FRS2: variants seen among roughly 807,000 people sequenced by gnomAD.
FRS2 encodes the protein fibroblast growth factor receptor substrate 2.
In FRS2, 8 loss-of-function variants were observed where a neutral mutation model predicts 43.9. That is an observed-to-expected ratio of 0.18 (90% confidence interval 0.11 to 0.33). The LOEUF (loss-of-function observed/expected upper bound fraction) is 0.33, where lower values mean the gene tolerates loss of function less well. FRS2 is among the 10% of genes least tolerant of loss of function. The pLI is 1.00. For missense variants in FRS2, 534 were observed against 627.6 expected, an observed-to-expected ratio of 0.85 and a Z score of 1.59; for synonymous variants, 219 against 220.3, an observed-to-expected ratio of 0.99 and a Z score of 0.05.
chr12:69,509,498 A>G (rs1874263180), intron 1 of FRS2, among the ~76,000 whole-genome samples: 1 of 152,192 alleles, frequency 6.6e-6, no homozygotes. Flanking sequence ...GTTCCATGGT[A>G]TTAAGTACAT....
intron 3 of FRS2, among the ~76,000 whole-genome samples, chr12:69,559,918 A>G (rs1432310591): frequency 3.9e-5 from 6 of 152,124 alleles, no homozygotes. Flanking sequence ...GCTTCTAACT[A>G]TAGACATTCT....
At chr12:69,557,109 G>A (rs555811161) in intron 3 of FRS2, among the ~76,000 whole-genome samples, 2 of 152,244 alleles carry the variant, frequency 1.3e-5, no homozygotes, top group African/African-American at 4.8e-5. Context: ...TTATATATGT[G>A]TTTTTCATAA....
intron 1 of FRS2, among the ~76,000 whole-genome samples, chr12:69,477,473 G>A (rs1870919416): frequency 1.3e-5 from 2 of 150,748 alleles, no homozygotes; most frequent in South Asian, 2.1e-4. Flanking sequence ...TAGTAGAAAC[G>A]GGGTTTCACC....
In FRS2 at chr12:69,574,164, C is replaced by A; in HGVS notation, c.736C>A (p.Pro246Thr). 1 of 1,614,026 alleles carries A rather than the reference C, an allele frequency of 6.2e-7. No homozygotes were observed. Among genetic ancestry groups the A allele is most frequent in the South Asian group, 1.1e-5 (1 of 91,080 alleles). ...CAGGGATCCTCAGATTCTTCTTGAA[C>A]CTGAAGGAGTCAAATTTGTTTTAGG... is the stretch of plus-strand genomic sequence containing the variant. ...EDRDPQILLE[P>T]EGVKFVLGPT... is the part of the protein sequence containing the mutation. The change falls in exon 9 of 9, where the codon CCT (proline) becomes ACT (threonine). Residue 246 changes from proline to threonine, a missense_variant. This residue lies in a region of FRS2 where 446 missense variants were observed against 494.2 expected (regional missense o/e 0.90). Transcript: ENST00000549921.
chr12:69,566,245 G>C (rs1243882130), intron 4 of FRS2, among the ~76,000 whole-genome samples: 2 of 150,706 alleles, frequency 1.3e-5, no homozygotes, highest in East Asian at 3.9e-4. Context: ...TGCTCCTTTT[G>C]AGAAAAAAAA....
intron 3 of FRS2, among the ~76,000 whole-genome samples, chr12:69,555,273 T>G (rs1181579462): frequency 2.0e-5 from 3 of 152,056 alleles, no homozygotes; most frequent in African/African-American, 7.2e-5. Flanking sequence ...CTCAAACTCC[T>G]AACCTTAGGT....
At chr12:69,539,507 A>T (rs968688416) in intron 3 of FRS2, among the ~76,000 whole-genome samples, 2 of 152,204 alleles carry the variant, frequency 1.3e-5, no homozygotes, top group Non-Finnish European at 2.9e-5. Flanking sequence ...GGTGATTTAT[A>T]CAATATTTTA....
At chr12:69,552,891 CAAA>C (rs369307414) in intron 3 of FRS2, among the ~76,000 whole-genome samples, 1 of 125,524 alleles carries the variant, frequency 8.0e-6, no homozygotes, top group Non-Finnish European at 1.7e-5. Flanking sequence ...GACTCCATCT[CAAA>C]AAAAAAAAAA....
chr12:69,486,248 C>A (rs1871937197), intron 1 of FRS2: 1 of 151,496 alleles, frequency 6.6e-6, no homozygotes, highest in Admixed American at 6.6e-5. Context: ...GTATCAGTGC[C>A]ATTTTTCCAG....
At chr12:69,527,338 TAATGA>T (rs143457115) in intron 1 of FRS2, among the ~76,000 whole-genome samples, 1 of 109,874 alleles carries the variant, frequency 9.1e-6, no homozygotes. Flanking sequence ...TTTTTTTTTT[TAATGA>T]TTTTTTTTTT....
At chr12:69,482,308 GT>G (rs1450150239) in intron 1 of FRS2, among the ~76,000 whole-genome samples, 1 of 152,172 alleles carries the variant, frequency 6.6e-6, no homozygotes, top group African/African-American at 2.4e-5. Flanking sequence ...TAAGATATGA[GT>G]GATTAGAGGA....
At chr12:69,525,052 C>A (rs980523474) in intron 1 of FRS2, among the ~76,000 whole-genome samples, 7 of 152,068 alleles carry the variant, frequency 4.6e-5, no homozygotes, top group African/African-American at 1.7e-4. Flanking sequence ...TAGGAGTGCA[C>A]GAGTCTTCCT....
rs534210435 is a variant in FRS2 at position 69,505,716 on chromosome 12, A to G, written c.-260-25149A>G. Among the ~76,000 whole-genome samples the G allele has an allele frequency of 8.5e-5, 13 of 152,322 alleles. No individual in the cohort carries two copies. In the South Asian group the frequency reaches 2.7e-3, roughly 32 times the overall value. Reference sequence around the variant, plus strand: ...AGAATAGGCATAGTAAATTGCACCAACACAAACCTTTTGTGTATTTGTAGT... The same window carrying G: ...AGAATAGGCATAGTAAATTGCACCAGCACAAACCTTTTGTGTATTTGTAGT... On this transcript the variant is annotated intron_variant, in intron 1 of 8. Coordinates refer to ENST00000549921, the MANE Select transcript of FRS2 (RefSeq NM_001278356.2).
intron 1 of FRS2, among the ~76,000 whole-genome samples, chr12:69,498,622 G>A (rs1283616124): frequency 6.6e-6 from 1 of 151,104 alleles, no homozygotes; most frequent in South Asian, 2.1e-4. Flanking sequence ...GTGTGGTCAG[G>A]ACAATTCTTC....
At chr12:69,559,220 A>G (rs956002210) in intron 3 of FRS2, among the ~76,000 whole-genome samples, 4 of 152,348 alleles carry the variant, frequency 2.6e-5, no homozygotes, top group Admixed American at 6.5e-5. Context: ...ACATAAGCAT[A>G]TGCTTAATCT....
At chr12:69,548,729 A>T (rs545534778) in intron 3 of FRS2, among the ~76,000 whole-genome samples, 21 of 152,364 alleles carry the variant, frequency 1.4e-4, no homozygotes, top group African/African-American at 5.0e-4. Context: ...GATATTGGCC[A>T]GGTTTGCTGG....
intron 1 of FRS2, among the ~76,000 whole-genome samples, chr12:69,496,208 G>A (rs1015823305): frequency 2.6e-5 from 4 of 152,044 alleles, no homozygotes; most frequent in Admixed American, 2.0e-4. Context: ...AGGCCGAGGC[G>A]GGCGGATCAT....
rs1443278647 is a variant in FRS2 at position 69,530,887 on chromosome 12, GC to G, written c.-235del. On this transcript the variant is annotated 5_prime_UTR_variant, in exon 2 of 9. The change abolishes the stop of an existing upstream ORF in the 5' untranslated region. Transcript: ENST00000549921. ...CAGAAATGACCATTAAGAAGTAGAT[GC>G]CCAGATGCAAAAGTGATGAAACAGT... The G allele has an allele frequency of 1.3e-5, 2 of 152,326 alleles. No homozygotes were observed. The highest frequency in any genetic ancestry group is 6.6e-5 in the Admixed American group (1 of 15,264). 9.4% of individuals were successfully genotyped at this position (152,326 alleles called of 1,614,324 possible).
intron 3 of FRS2, among the ~76,000 whole-genome samples, chr12:69,553,548 T>C (rs1003494618): frequency 3.9e-5 from 6 of 152,134 alleles, no homozygotes; most frequent in East Asian, 1.9e-4. Flanking sequence ...TCCCTTCTTA[T>C]GGCTTAATGG....
Sources: gnomAD v4.1 joint callset for allele counts (sites outside exome capture counted in the v4.1 genomes callset) on GRCh38, gnomAD v4.1.1 for gene constraint, gnomAD v4.1.1 regional missense constraint, MANE v1.5 for transcripts, NCBI Gene and HGNC (gene_info 2026-07-23, HGNC 2026-07-21) for gene names.